The following LRCH3 variants were observed in gnomAD, a reference collection of about 807,000 sequenced individuals.
LRCH3 encodes the protein DISP complex protein LRCH3.
A neutral mutation model predicts 104.5 loss-of-function variants in LRCH3; 68 were observed. That is an observed-to-expected ratio of 0.65 (90% CI 0.54 to 0.80). The LOEUF (loss-of-function observed/expected upper bound fraction) is 0.80, where lower values mean the gene tolerates loss of function less well. LRCH3 is among the 30% of genes least tolerant of loss of function. The pLI, the probability that LRCH3 is intolerant of heterozygous loss-of-function variation, is 0.00. For missense variants in LRCH3, 951 were observed against 953.9 expected, an observed-to-expected ratio of 1.00 and a Z score of 0.04; for synonymous variants, 344 against 361.3, an observed-to-expected ratio of 0.95 and a Z score of 0.54.
chr3:197,860,961 C>G (rs1367183033), intron 15 of LRCH3, among the ~76,000 whole-genome samples: 1 of 150,082 alleles, frequency 6.7e-6, no homozygotes, highest in African/African-American at 2.5e-5. Flanking sequence ...TTTTTAAATG[C>G]TGACCCCAAC....
At chr3:197,860,971 CTTT>C (rs5855654) in intron 15 of LRCH3, among the ~76,000 whole-genome samples, 5 of 137,382 alleles carry the variant, frequency 3.6e-5, no homozygotes, top group Non-Finnish European at 3.1e-5. Flanking sequence ...CTGACCCCAA[CTTT>C]TTTTTTTTTT....
rs142071635 is a variant in LRCH3 at position 197,869,280 on chromosome 3, C to T, written c.1874-880C>T. On this transcript the variant is annotated intron_variant, in intron 17 of 20. Coordinates refer to ENST00000425562, the MANE Select transcript of LRCH3 (RefSeq NM_001365715.1). ...CACTGTACCTGCAGGAGGTAGAAAG[C>T]GATGCACTGTACCTGCAGGAGGTAG... 1.9e-4 allele frequency among the ~76,000 whole-genome samples: 29 copies of T among 151,678 alleles called. 1 individual carries two copies. Among genetic ancestry groups the T allele is most frequent in the East Asian group, 1.7e-3 (9 of 5,146 alleles).
chr3:197,853,586 T>C (rs566503212), intron 13 of LRCH3, among the ~76,000 whole-genome samples: 1 of 152,370 alleles, frequency 6.6e-6, no homozygotes, highest in South Asian at 2.1e-4. Context: ...AAATAAGTTA[T>C]TTGAAAACCT....
intron 7 of LRCH3, 99 bp from the exon 8 acceptor site, chr3:197,832,097 AG>A (rs1328972074): frequency 7.9e-6 from 10 of 1,261,514 alleles, no homozygotes; most frequent in Non-Finnish European, 1.1e-5. Flanking sequence ...CCTGGCCTCA[AG>A]TGATCCTCCT....
At chr3:197,824,756 G>A (rs1734941621) in intron 4 of LRCH3, among the ~76,000 whole-genome samples, 1 of 151,332 alleles carries the variant, frequency 6.6e-6, no homozygotes, top group African/African-American at 2.4e-5. Flanking sequence ...ATTTTTAGTA[G>A]AGATGGGGTT....
chr3:197,792,605 A>ATATATATACATATAT (rs1553912026), intron 1 of LRCH3, among the ~76,000 whole-genome samples: 1 of 52,246 alleles, frequency 1.9e-5, no homozygotes, highest in African/African-American at 5.3e-5. Flanking sequence ...ATATATATAT[A>ATATATATACATATAT]AAATATACAT....
rs1452391242 is a variant in LRCH3 at position 197,847,787 on chromosome 3, A to C, written c.1381-85A>C. 2.2e-6 allele frequency: 3 copies of C among 1,353,538 alleles called. No individual in the cohort carries two copies. In the East Asian group the frequency reaches 7.6e-5, roughly 34 times the overall value. 83.8% of individuals were successfully genotyped at this position (1,353,538 alleles called of 1,614,324 possible). ...TTCAAAGCAAAAGTTGCATGGGTCA[A>C]CAGTAGTTCCCTAAATTGATAGGGA... On this transcript the variant is annotated intron_variant, in intron 11 of 20. Transcript: ENST00000425562.
chr3:197,842,893 T>A (rs1738016614), intron 10 of LRCH3, among the ~76,000 whole-genome samples: 1 of 152,026 alleles, frequency 6.6e-6, no homozygotes, highest in Non-Finnish European at 1.5e-5. Context: ...CAGACCAGCC[T>A]GGCCAACATG....
Position 197,859,116 on chromosome 3 carries a change from C to T in LRCH3, c.1716+211C>T, listed in dbSNP as rs114632383. On this transcript the variant is annotated intron_variant, in intron 15 of 20. Transcript: ENST00000425562. ...AGTCATAGAGCTCACATTAATTCTT[C>T]GTATTCAGATTGTTTGATGTGTCAT... 9.7e-4 allele frequency: 517 copies of T among 531,908 alleles called. 6 individuals are homozygous for T. The highest frequency in any genetic ancestry group is 8.6e-3 in the African/African-American group (450 of 52,260). 32.9% of individuals were successfully genotyped at this position (531,908 alleles called of 1,614,324 possible). A position where few individuals can be genotyped will look rare whatever the true frequency, so the allele number is the denominator to read the frequency against.
chr3:197,820,229 A>T, intron 3 of LRCH3, 96 bp from the exon 4 acceptor site: 1 of 826,004 alleles, frequency 1.2e-6, no homozygotes. Context: ...GTGAGATACC[A>T]GAAGGTCTCC....
At position 197,880,727 on chromosome 3, in the gene LRCH3, C is replaced by G. The variant is rs564962657; in HGVS notation, c.2209-2814C>G. On this transcript the variant is annotated intron_variant, in intron 20 of 20. Coordinates refer to ENST00000425562, the MANE Select transcript of LRCH3 (RefSeq NM_001365715.1). Reference sequence around the variant, plus strand: ...TCCCCGCTCGCTGAAAGATTGCACTCCGGTGACTTTCTGCCTCATTCCTGT... The same window carrying G: ...TCCCCGCTCGCTGAAAGATTGCACTGCGGTGACTTTCTGCCTCATTCCTGT... The G allele has an allele frequency of 3.8e-5, 58 of 1,536,662 alleles. No homozygotes were observed. In the South Asian group the frequency reaches 6.8e-4, roughly 18 times the overall value.
chr3:197,882,238 A>G (rs1713837304), intron 20 of LRCH3: 1 of 985,324 alleles, frequency 1.0e-6, no homozygotes. Context: ...GGAAGAGACC[A>G]GGGAATCAGC....
intron 5 of LRCH3, among the ~76,000 whole-genome samples, chr3:197,827,367 A>G (rs1010781286): frequency 2.0e-5 from 3 of 151,996 alleles, no homozygotes; most frequent in African/African-American, 7.3e-5. Context: ...CAGGTAAACC[A>G]TAGTGGAAGC....
intron 1 of LRCH3, among the ~76,000 whole-genome samples, chr3:197,796,868 G>A (rs889078608): frequency 2.6e-5 from 4 of 152,142 alleles, no homozygotes; most frequent in Non-Finnish European, 5.9e-5. Context: ...TATCTTTGAA[G>A]GGTTGGTAGC....
At chr3:197,809,941 A>G (rs1732935534) in intron 1 of LRCH3, among the ~76,000 whole-genome samples, 1 of 151,930 alleles carries the variant, frequency 6.6e-6, no homozygotes, top group African/African-American at 2.4e-5. Flanking sequence ...AAATGTTTTC[A>G]GTTGTGCATT....
At position 197,868,993 on chromosome 3, in the gene LRCH3, G is replaced by A. The variant is rs974580985; in HGVS notation, c.1874-1167G>A. ...ATTTTCAATAAAAACATTTTTAAGT[G>A]GATGTAATCAAACAAAAGTAGTTGA... On this transcript the variant is annotated intron_variant, in intron 17 of 20. Transcript: ENST00000425562. Among the ~76,000 whole-genome samples, 6 of 152,266 alleles carry A rather than the reference G, an allele frequency of 3.9e-5. No homozygotes were observed. In the East Asian group the frequency reaches 1.2e-3, roughly 29 times the overall value.
At position 197,882,129 on chromosome 3, in the gene LRCH3, G is replaced by C. The variant is rs1417977785; in HGVS notation, c.2209-1412G>C. ...ATTGTACATTCTCTTGAGAACACAC[G>C]GCACTCCCTCTAGTCCAGCTGGGAG... is the stretch of plus-strand genomic sequence containing the variant. On this transcript the variant is annotated intron_variant, in intron 20 of 20. Coordinates refer to ENST00000425562, the MANE Select transcript of LRCH3 (RefSeq NM_001365715.1). 4 of 985,372 alleles carry C rather than the reference G, an allele frequency of 4.1e-6. No individual in the cohort carries two copies. In the African/African-American group the frequency reaches 7.0e-5, roughly 17 times the overall value. 61.0% of individuals were successfully genotyped at this position (985,372 alleles called of 1,614,324 possible). A position where few individuals can be genotyped will look rare whatever the true frequency, so the allele number is the denominator to read the frequency against.
intron 14 of LRCH3, 59 bp from the exon 15 acceptor site, chr3:197,858,775 T>G: frequency 6.5e-6 from 9 of 1,378,136 alleles, no homozygotes; most frequent in Non-Finnish European, 9.3e-6. Context: ...TCTGCCTGCC[T>G]GACATTTGCT....
At chr3:197,843,153 A>C (rs530325635) in intron 10 of LRCH3, among the ~76,000 whole-genome samples, 1 of 152,066 alleles carries the variant, frequency 6.6e-6, no homozygotes, top group Non-Finnish European at 1.5e-5. Context: ...AGGAGAGATG[A>C]TAATACCAGA....
Sources: gnomAD v4.1 joint callset for allele counts (sites outside exome capture counted in the v4.1 genomes callset) on GRCh38, gnomAD v4.1.1 for gene constraint, MANE v1.5 for transcripts, NCBI Gene and HGNC (gene_info 2026-07-23, HGNC 2026-07-21) for gene names.